Variants in SH3BP5 observed in about 807,000 individuals in gnomAD.
SH3BP5 encodes SH3 domain-binding protein 5.
SH3BP5 carries 22 observed loss-of-function variants against 43.3 expected under a neutral mutation model. The ratio of observed to expected loss-of-function variants is 0.51; its 90% CI spans 0.36 to 0.73. The LOEUF (loss-of-function observed/expected upper bound fraction) is 0.73, where lower values mean the gene tolerates loss of function less well. SH3BP5 is among the 30% of genes least tolerant of loss of function. The pLI, the probability that SH3BP5 is intolerant of heterozygous loss-of-function variation, is 0.00. For synonymous variants in SH3BP5, 255 were observed against 225.8 expected, an observed-to-expected ratio of 1.13 and a Z score of -1.16; for missense variants, 529 against 586.9, an observed-to-expected ratio of 0.90 and a Z score of 1.02.
At chr3:15,300,183 A>C (rs1697696218) in intron 3 of SH3BP5, among the ~76,000 whole-genome samples, 1 of 152,164 alleles carries the variant, frequency 6.6e-6, no homozygotes, top group Admixed American at 6.5e-5. Flanking sequence ...TAGTAAGAGA[A>C]GGTACTAGGA....
At chr3:15,283,935 A>G (rs143520655) in intron 3 of SH3BP5, among the ~76,000 whole-genome samples, 10 of 152,222 alleles carry the variant, frequency 6.6e-5, no homozygotes, top group Middle Eastern at 3.4e-3. Flanking sequence ...GTATTGTCAG[A>G]CCCATTTTAC....
intron 3 of SH3BP5, among the ~76,000 whole-genome samples, chr3:15,293,337 C>T (rs1697466520): frequency 6.6e-6 from 1 of 152,230 alleles, no homozygotes; most frequent in Non-Finnish European, 1.5e-5. Context: ...ACCCAAAGTC[C>T]CGTGGCAAGA....
chr3:15,261,726 C>G (rs1232942962), intron 5 of SH3BP5, among the ~76,000 whole-genome samples: 1 of 151,916 alleles, frequency 6.6e-6, no homozygotes, highest in African/African-American at 2.4e-5. Context: ...CTACTAAAGC[C>G]AGTCTTACAG....
At chr3:15,327,349 G>A (rs1333823239) in intron 2 of SH3BP5, among the ~76,000 whole-genome samples, 4 of 151,982 alleles carry the variant, frequency 2.6e-5, no homozygotes, top group South Asian at 2.1e-4. Context: ...GCAGTGAGCC[G>A]AGATCACGCC....
chr3:15,326,803 G>A (rs1430121699), intron 2 of SH3BP5, among the ~76,000 whole-genome samples: 1 of 152,206 alleles, frequency 6.6e-6, no homozygotes, highest in African/African-American at 2.4e-5. Flanking sequence ...AAGTGCAGAA[G>A]TGCTGTCTAG....
At chr3:15,268,698 A>T (rs1028364801) in intron 4 of SH3BP5, among the ~76,000 whole-genome samples, 1 of 152,218 alleles carries the variant, frequency 6.6e-6, no homozygotes, top group African/African-American at 2.4e-5. Context: ...CTGCTGAGCC[A>T]AGAACTGTCC....
intron 2 of SH3BP5, among the ~76,000 whole-genome samples, chr3:15,306,294 G>A (rs1361814382): frequency 6.6e-6 from 1 of 152,194 alleles, no homozygotes; most frequent in Non-Finnish European, 1.5e-5. Context: ...GGGAGGCGGA[G>A]CTTGCAGTGA....
chr3:15,301,095 T>C (rs940617032), intron 3 of SH3BP5, among the ~76,000 whole-genome samples: 2 of 152,014 alleles, frequency 1.3e-5, no homozygotes, highest in African/African-American at 4.8e-5. Context: ...ACAAAGAAGA[T>C]TTGGGGTGCA....
chr3:15,268,719 T>C (rs1273875766), intron 4 of SH3BP5, among the ~76,000 whole-genome samples: 3 of 152,202 alleles, frequency 2.0e-5, no homozygotes, highest in African/African-American at 7.2e-5. Context: ...CTAGCTGCTA[T>C]GGTCTGAACA....
chr3:15,322,872 T>G (rs1698365201), intron 2 of SH3BP5, among the ~76,000 whole-genome samples: 1 of 151,976 alleles, frequency 6.6e-6, no homozygotes. Flanking sequence ...CCGGGCGCAG[T>G]AGCTCACGCC....
At chr3:15,274,581 C>A (rs997154920) in intron 3 of SH3BP5, among the ~76,000 whole-genome samples, 1 of 152,126 alleles carries the variant, frequency 6.6e-6, no homozygotes, top group Non-Finnish European at 1.5e-5. Context: ...GCAACCTCTG[C>A]CTCCCGGGTT....
chr3:15,293,517 T>C (rs1446319895), intron 3 of SH3BP5, among the ~76,000 whole-genome samples: 3 of 152,216 alleles, frequency 2.0e-5, no homozygotes, highest in African/African-American at 2.4e-5. Context: ...GCTTCTCAGT[T>C]ACCCTAGCCA....
At chr3:15,280,122 A>C (rs1289334756) in intron 3 of SH3BP5, among the ~76,000 whole-genome samples, 1 of 152,124 alleles carries the variant, frequency 6.6e-6, no homozygotes, top group Non-Finnish European at 1.5e-5. Context: ...AATTACAAGC[A>C]GCTTACAGGG....
At chr3:15,261,551 C>T (rs1051499823) in intron 5 of SH3BP5, among the ~76,000 whole-genome samples, 3 of 152,162 alleles carry the variant, frequency 2.0e-5, no homozygotes, top group African/African-American at 7.2e-5. Context: ...AAGTCTAGGT[C>T]ATCATAAGTC....
At chr3:15,267,645 G>C (rs1004041973) in intron 4 of SH3BP5, among the ~76,000 whole-genome samples, 12 of 152,106 alleles carry the variant, frequency 7.9e-5, no homozygotes, top group African/African-American at 2.9e-4. Context: ...ATGACCTCAG[G>C]AGTACAGGGC....
At chr3:15,332,822 TCCCCTCCTCC>T (rs1698651373), upstream of SH3BP5, among the ~76,000 whole-genome samples, 1 of 151,766 alleles carries the variant, frequency 6.6e-6, no homozygotes, top group Admixed American at 6.6e-5. Context: ...CTTTCGGGAG[TCCCCTCCTCC>T]AGCCCTCCTC....
intron 2 of SH3BP5, among the ~76,000 whole-genome samples, chr3:15,316,367 G>A (rs146964891): frequency 1.7e-3 from 257 of 152,052 alleles, no homozygotes; most frequent in South Asian, 0.012. Context: ...TGGGATTACA[G>A]GTGCCCACGA....
chr3:15,273,596 C>T (rs1358549225), intron 3 of SH3BP5, among the ~76,000 whole-genome samples: 1 of 152,210 alleles, frequency 6.6e-6, no homozygotes. Context: ...CCACAGAAAC[C>T]AGATGCCATC....
chr3:15,276,739 A>G (rs1309592420), intron 3 of SH3BP5, among the ~76,000 whole-genome samples: 4 of 152,266 alleles, frequency 2.6e-5, no homozygotes, highest in Admixed American at 2.6e-4. Flanking sequence ...CCAACCTAGT[A>G]TCTGACTACT....
Sources: allele counts gnomAD v4.1 joint callset (sites outside exome capture counted in the v4.1 genomes callset), GRCh38; gene constraint gnomAD v4.1.1; transcripts MANE v1.5; gene names NCBI Gene and HGNC (gene_info 2026-07-23, HGNC 2026-07-21).